The following NDST4 variants were observed in gnomAD, a reference collection of about 807,000 sequenced individuals.
NDST4 encodes N-deacetylase and N-sulfotransferase 4.
Under a neutral mutation model 100.8 loss-of-function variants are expected in NDST4, and 63 were observed. The observed-to-expected ratio is 0.62, with a 90% CI of 0.51 to 0.77. NDST4 has a LOEUF of 0.77. Ranked by LOEUF, NDST4 falls within the 30% of genes least tolerant of loss-of-function variation. The probability of loss-of-function intolerance (pLI) is 0.00; values close to 1 mark genes in which losing one functional copy is unlikely to be tolerated. For missense variants in NDST4, 943 were observed against 1,018.4 expected, an observed-to-expected ratio of 0.93 and a Z score of 1.01; for synonymous variants, 377 against 361.8, an observed-to-expected ratio of 1.04 and a Z score of -0.48.
At chr4:115,031,151 A>G (rs1433120257) in intron 2 of NDST4, among the ~76,000 whole-genome samples, 2 of 152,084 alleles carry the variant, frequency 1.3e-5, no homozygotes, top group Admixed American at 6.6e-5. Flanking sequence ...TTTAATACAC[A>G]TCTTCAACTC....
At chr4:114,992,674 T>C (rs1367564241) in intron 2 of NDST4, among the ~76,000 whole-genome samples, 2 of 151,830 alleles carry the variant, frequency 1.3e-5, no homozygotes, top group East Asian at 1.9e-4. Context: ...ATAATCTCCA[T>C]TGAGCATTTT....
At chr4:115,027,370 C>G (rs1406793155) in intron 2 of NDST4, among the ~76,000 whole-genome samples, 3 of 152,122 alleles carry the variant, frequency 2.0e-5, no homozygotes, top group African/African-American at 4.8e-5. Flanking sequence ...TGGGTGAGAT[C>G]ATTGTATCTC....
intron 4 of NDST4, among the ~76,000 whole-genome samples, chr4:114,938,525 A>T (rs1412875068): frequency 6.6e-6 from 1 of 152,218 alleles, no homozygotes; most frequent in Admixed American, 6.5e-5. Flanking sequence ...ATTGAATCTC[A>T]TCAATTGAGG....
At chr4:114,858,525 T>C (rs963846906) in intron 7 of NDST4, among the ~76,000 whole-genome samples, 4 of 152,210 alleles carry the variant, frequency 2.6e-5, no homozygotes, top group Admixed American at 2.0e-4. Context: ...ACTTGAAAGA[T>C]ACAGTTGAGG....
At chr4:115,065,341 G>A (rs525465) in intron 2 of NDST4, among the ~76,000 whole-genome samples, 30,410 of 151,956 alleles carry the variant, frequency 0.2, 3,795 homozygotes, top group East Asian at 0.46. Context: ...TAAACTAGTA[G>A]GTGCAGAAGT....
intron 1 of NDST4, among the ~76,000 whole-genome samples, chr4:115,093,716 C>T (rs1380717907): frequency 6.6e-6 from 1 of 151,864 alleles, no homozygotes; most frequent in Non-Finnish European, 1.5e-5. Context: ...AACAAAATAA[C>T]TAGAAAATGC....
chr4:115,093,258 G>A (rs951004255), intron 1 of NDST4, among the ~76,000 whole-genome samples: 9 of 152,098 alleles, frequency 5.9e-5, no homozygotes, highest in Non-Finnish European at 1.2e-4. Context: ...GGCAGATCAT[G>A]AGGTCAGGAG....
At chr4:115,041,028 A>C (rs1371841461) in intron 2 of NDST4, among the ~76,000 whole-genome samples, 1 of 152,102 alleles carries the variant, frequency 6.6e-6, no homozygotes, top group Non-Finnish European at 1.5e-5. Flanking sequence ...GTAACCAAAT[A>C]GAAGAGAAGT....
intron 6 of NDST4, among the ~76,000 whole-genome samples, chr4:114,916,566 GTGTGTGTGTGTGTGTGTT>G (rs1299603852): frequency 6.7e-6 from 1 of 149,382 alleles, no homozygotes; most frequent in African/African-American, 2.5e-5. Context: ...GTGTGTGTGT[GTGTGTGTGTGTGTGTGTT>G]TGTGTGTATG....
At position 114,937,378 on chromosome 4, in the gene NDST4, T is replaced by G; in HGVS notation, c.1347A>C (p.Glu449Asp). Residue 449 changes from glutamate to aspartate, a missense_variant, in exon 5 of 14, where the codon GAA becomes GAC. By Grantham distance (45) the Glu-to-Asp change is conservative. Coordinates refer to ENST00000264363, the MANE Select transcript of NDST4 (RefSeq NM_022569.3). The stretch of plus-strand genomic sequence containing the variant: ...GGGCAGGTTTCAGATGTGGATATTC[T>G]TCAGTGCTGGTGACTTGAATACCCC... Reference protein sequence around the residue: ...KVWGIQVTSTEEYPHLKPARY... With the variant: ...KVWGIQVTSTDEYPHLKPARY... The G allele has an allele frequency of 6.2e-7, 1 of 1,614,188 alleles. No homozygotes were observed. The highest frequency in any genetic ancestry group is 8.5e-7 in the Non-Finnish European group (1 of 1,180,012).
intron 2 of NDST4, among the ~76,000 whole-genome samples, chr4:115,012,980 T>G (rs1363048063): frequency 6.6e-6 from 1 of 151,610 alleles, no homozygotes; most frequent in East Asian, 1.9e-4. Flanking sequence ...ATGTTCTCAT[T>G]TATTTGTGGG....
chr4:114,846,558 T>C (rs904338112), intron 9 of NDST4, among the ~76,000 whole-genome samples: 1 of 152,134 alleles, frequency 6.6e-6, no homozygotes, highest in Non-Finnish European at 1.5e-5. Flanking sequence ...TCTAGAGTAA[T>C]TAAGGGGATA....
chr4:115,058,329 G>A (rs898146499), intron 2 of NDST4, among the ~76,000 whole-genome samples: 1 of 152,070 alleles, frequency 6.6e-6, no homozygotes, highest in African/African-American at 2.4e-5. Flanking sequence ...GTATTTGGAT[G>A]GCAAAGCAAC....
At chr4:115,057,068 A>G (rs919446008) in intron 2 of NDST4, among the ~76,000 whole-genome samples, 5 of 152,146 alleles carry the variant, frequency 3.3e-5, no homozygotes, top group Admixed American at 2.6e-4. Flanking sequence ...AAACAGGATG[A>G]ATTTACATAT....
At chr4:115,034,363 C>A (rs562119071) in intron 2 of NDST4, among the ~76,000 whole-genome samples, 1 of 151,940 alleles carries the variant, frequency 6.6e-6, no homozygotes. Flanking sequence ...CAGTACATTG[C>A]CATTGATCTC....
At chr4:114,907,636 GTT>G (rs1371388315) in intron 6 of NDST4, among the ~76,000 whole-genome samples, 1 of 151,966 alleles carries the variant, frequency 6.6e-6, no homozygotes, top group African/African-American at 2.4e-5. Flanking sequence ...GCTAACAGGT[GTT>G]TTCCATATGT....
chr4:114,989,484 T>C (rs1226159170), intron 2 of NDST4, among the ~76,000 whole-genome samples: 1 of 152,194 alleles, frequency 6.6e-6, no homozygotes, highest in Non-Finnish European at 1.5e-5. Flanking sequence ...CAAACAGTCC[T>C]TTGGTTAGGA....
At chr4:114,964,450 A>C (rs1400149073) in intron 4 of NDST4, among the ~76,000 whole-genome samples, 1 of 152,204 alleles carries the variant, frequency 6.6e-6, no homozygotes, top group Non-Finnish European at 1.5e-5. Context: ...GTAACTTGTT[A>C]TTAAACAATA....
chr4:114,868,324 A>C lies in NDST4; in HGVS notation c.1719+2444T>G, dbSNP rs148845217. Among the ~76,000 whole-genome samples the C allele has an allele frequency of 6.3e-3, 956 of 152,286 alleles. 6 individuals carry two copies. Among genetic ancestry groups the C allele is most frequent in the Non-Finnish European group, 8.8e-3 (600 of 67,990 alleles). On this transcript the variant is annotated intron_variant, in intron 7 of 13. Coordinates refer to ENST00000264363, the MANE Select transcript of NDST4 (RefSeq NM_022569.3). ...CTACCAAGTAACGCTGGTTTTTTAA[A>C]TAAAACTAAGTTCATATTTTATAGA...
Sources: gnomAD v4.1 joint callset for allele counts (sites outside exome capture counted in the v4.1 genomes callset) on GRCh38, gnomAD v4.1.1 for gene constraint, MANE v1.5 for transcripts, NCBI Gene and HGNC (gene_info 2026-07-23, HGNC 2026-07-21) for gene names.